The following SH3GL3 variants were observed in gnomAD, a reference collection of about 807,000 sequenced individuals.
SH3GL3 encodes the protein endophilin-A3.
In SH3GL3, 33 loss-of-function variants were observed where a neutral mutation model predicts 47.7. The ratio of observed to expected loss-of-function variants is 0.69; its 90% CI spans 0.52 to 0.92. SH3GL3 has a LOEUF of 0.92. SH3GL3 is among the 40% of genes least tolerant of loss of function. SH3GL3 has a pLI of 0.00. For synonymous variants in SH3GL3, 155 were observed against 148.8 expected (o/e 1.04, Z -0.30); for missense variants, 363 against 417.8 (o/e 0.87, Z 1.14).
rs560475631 is a variant in SH3GL3, at chr15:83,539,790, G to T, written c.46-19463G>T. Among the ~76,000 whole-genome samples, 266 of 151,928 alleles carry T rather than the reference G, an allele frequency of 1.8e-3. 1 individual carries two copies. The highest frequency in any genetic ancestry group is 6.2e-3 in the African/African-American group (256 of 41,438). ...CTGGTTGAGATATCTTCTATCCTAGGGTTATGTTATCTTGTAGATATCATA... is the reference window on the plus strand; with the variant it reads ...CTGGTTGAGATATCTTCTATCCTAGTGTTATGTTATCTTGTAGATATCATA... On this transcript the variant is annotated intron_variant, in intron 1 of 8. Transcript: ENST00000427482.
At chr15:83,505,478 A>G (rs969183500) in intron 1 of SH3GL3, among the ~76,000 whole-genome samples, 2 of 150,782 alleles carry the variant, frequency 1.3e-5, no homozygotes, top group African/African-American at 2.4e-5. Context: ...CTGGGAGTCA[A>G]GAGGTTGTGC....
At chr15:83,467,209 A>T (rs994071731) in intron 1 of SH3GL3, among the ~76,000 whole-genome samples, 6 of 152,270 alleles carry the variant, frequency 3.9e-5, no homozygotes, top group Non-Finnish European at 5.9e-5. Context: ...TTTTGAATTA[A>T]TTTTTTTAAT....
intron 1 of SH3GL3, among the ~76,000 whole-genome samples, chr15:83,549,064 G>A (rs1896810): frequency 0.043 from 6,583 of 151,892 alleles, 204 homozygotes; most frequent in Non-Finnish European, 0.066. Flanking sequence ...CACTTCTGTT[G>A]GGTTCTTAAT....
intron 6 of SH3GL3, among the ~76,000 whole-genome samples, chr15:83,576,966 G>C (rs1350021672): frequency 1.6e-5 from 2 of 121,324 alleles, no homozygotes; most frequent in African/African-American, 3.3e-5. Context: ...CACCAGGCTG[G>C]AGTGCAGTGT....
chr15:83,496,230 G>A (rs920992413), intron 1 of SH3GL3, among the ~76,000 whole-genome samples: 7 of 151,414 alleles, frequency 4.6e-5, no homozygotes, highest in Non-Finnish European at 7.4e-5. Context: ...GGTGGTGCAC[G>A]TGCCTGTAGT....
At chr15:83,459,059 A>C (rs989778392) in intron 1 of SH3GL3, among the ~76,000 whole-genome samples, 3 of 152,218 alleles carry the variant, frequency 2.0e-5, no homozygotes, top group African/African-American at 7.2e-5. Context: ...CCCCTGGCAA[A>C]CCACTGGTTT....
intron 1 of SH3GL3, among the ~76,000 whole-genome samples, chr15:83,474,139 A>G (rs2040983650): frequency 6.6e-6 from 1 of 152,138 alleles, no homozygotes; most frequent in Non-Finnish European, 1.5e-5. Context: ...GTGCTACCCA[A>G]TTTTAAATCC....
chr15:83,553,490 T>A (rs980605208), intron 1 of SH3GL3, among the ~76,000 whole-genome samples: 21 of 152,206 alleles, frequency 1.4e-4, no homozygotes, highest in African/African-American at 5.1e-4. Context: ...CCATTCCTTC[T>A]TCCTCCCTCT....
At chr15:83,597,722 G>C (rs1409815863) in intron 8 of SH3GL3, among the ~76,000 whole-genome samples, 1 of 151,872 alleles carries the variant, frequency 6.6e-6, no homozygotes, top group Non-Finnish European at 1.5e-5. Flanking sequence ...CGATTCTCCT[G>C]CCTCAGCCTT....
intron 8 of SH3GL3, among the ~76,000 whole-genome samples, chr15:83,593,907 C>T (rs2060172239): frequency 1.3e-5 from 2 of 152,130 alleles, no homozygotes. Context: ...CAACCTCAAC[C>T]TGCCAGGCTC....
At chr15:83,536,648 A>G (rs1010271420) in intron 1 of SH3GL3, among the ~76,000 whole-genome samples, 1 of 151,942 alleles carries the variant, frequency 6.6e-6, no homozygotes, top group African/African-American at 2.4e-5. Flanking sequence ...TGATCCACCC[A>G]AAGTGCTGGG....
At chr15:83,551,080 C>G (rs1225488150) in intron 1 of SH3GL3, among the ~76,000 whole-genome samples, 1 of 152,214 alleles carries the variant, frequency 6.6e-6, no homozygotes, top group Non-Finnish European at 1.5e-5. Context: ...AAACCCAACA[C>G]ATCTAGACAA....
At chr15:83,513,047 C>G (rs1024827903) in intron 1 of SH3GL3, among the ~76,000 whole-genome samples, 1 of 152,184 alleles carries the variant, frequency 6.6e-6, no homozygotes, top group Non-Finnish European at 1.5e-5. Flanking sequence ...ATGAGATGGT[C>G]TGGGTCAGCT....
At chr15:83,565,947 A>G (rs1395539311) in intron 3 of SH3GL3, 1 of 152,256 alleles carries the variant, frequency 6.6e-6, no homozygotes, top group African/African-American at 2.4e-5. Flanking sequence ...GTATCCAGGC[A>G]GGTCTAAAGT....
intron 1 of SH3GL3, among the ~76,000 whole-genome samples, chr15:83,474,526 T>C (rs2041003226): frequency 1.3e-5 from 2 of 152,184 alleles, no homozygotes; most frequent in Non-Finnish European, 2.9e-5. Flanking sequence ...TTTTTTTTTT[T>C]CAGAGTCTTA....
intron 1 of SH3GL3, among the ~76,000 whole-genome samples, chr15:83,456,572 C>A (rs1319204264): frequency 9.1e-6 from 1 of 109,540 alleles, no homozygotes; most frequent in African/African-American, 3.6e-5. Context: ...ACCCGATTTT[C>A]CAGGTGCGTC....
chr15:83,568,312 C>T (rs17841189), intron 3 of SH3GL3, among the ~76,000 whole-genome samples: 13,034 of 152,068 alleles, frequency 0.086, 849 homozygotes, highest in Admixed American at 0.17. Context: ...TATGGTTCAT[C>T]GTGGCTGCGG....
chr15:83,629,608 C>T, the SH3GL3 span, among the ~76,000 whole-genome samples: 69 of 152,226 alleles, frequency 4.5e-4, 1 homozygote, highest in South Asian at 0.013. Context: ...TCACTTCAGG[C>T]CAGGAGTTCA....
At chr15:83,489,028 A>G (rs2041742450) in intron 1 of SH3GL3, among the ~76,000 whole-genome samples, 1 of 152,206 alleles carries the variant, frequency 6.6e-6, no homozygotes. Flanking sequence ...GGGGGTCCTG[A>G]GAGTCCAGCA....
Sources: allele counts gnomAD v4.1 joint callset (sites outside exome capture counted in the v4.1 genomes callset), GRCh38; gene constraint gnomAD v4.1.1; transcripts MANE v1.5; gene names NCBI Gene and HGNC (gene_info 2026-07-23, HGNC 2026-07-21).